The following PRRX1 variants were observed in gnomAD, a reference collection of about 807,000 sequenced individuals.
PRRX1 encodes paired related homeobox 1.
A neutral mutation model predicts 24.0 loss-of-function variants in PRRX1; 8 were observed. That is an observed-to-expected ratio of 0.33 (90% CI 0.20 to 0.60). The LOEUF is 0.60. Among genes scored for constraint, PRRX1 ranks in the 20% least tolerant of loss-of-function variants. PRRX1 has a pLI of 0.82. For missense variants in PRRX1, 281 were observed against 322.4 expected, an observed-to-expected ratio of 0.87 and a Z score of 0.98; for synonymous variants, 160 against 131.7, an observed-to-expected ratio of 1.22 and a Z score of -1.47.
chr1:170,726,924 T>C (rs1655275780), intron 3 of PRRX1: 1 of 153,410 alleles, frequency 6.5e-6, no homozygotes, highest in South Asian at 2.1e-4. Flanking sequence ...AGAGGGACTA[T>C]GACAGAGAGA....
rs1447251127 is a variant in PRRX1 at position 170,739,257 on chromosome 1, T to C, written c.*3071T>C. On this transcript the variant is annotated 3_prime_UTR_variant, in exon 4 of 4. Transcript: ENST00000239461. The stretch of plus-strand genomic sequence containing the variant: ...AATTAAACCAGAAGAGGTGACTTAA[T>C]AAAAAAGGGAATGACATTTAGGGTA... 1 of 193,670 alleles carries C rather than the reference T, an allele frequency of 5.2e-6. No individual in the cohort carries two copies. The highest frequency in any genetic ancestry group is 6.1e-5 in the Admixed American group (1 of 16,394). The allele number at this position is 193,670 out of a possible 1,614,324, so 12.0% of individuals were successfully genotyped here.
chr1:170,732,150 A>C (rs1054668472), intron 3 of PRRX1, among the ~76,000 whole-genome samples: 5 of 152,192 alleles, frequency 3.3e-5, no homozygotes, highest in African/African-American at 1.2e-4. Flanking sequence ...ATTTTACCCG[A>C]GCAAGCTTAA....
In PRRX1 at chr1:170,736,550, ATATATAT is replaced by A. The variant is rs1293343232; in HGVS notation, c.*365_*371del. ...ACTACAGCAGCCAAAGAAACTATATATATATATATATATATATATATCCAGAATGATT... is the reference window on the plus strand; with the variant it reads ...ACTACAGCAGCCAAAGAAACTATATAATATATATATATATCCAGAATGATT... On this transcript the variant is annotated 3_prime_UTR_variant, in exon 4 of 4. Coordinates refer to ENST00000239461, the MANE Select transcript of PRRX1 (RefSeq NM_022716.4). The A allele has an allele frequency of 2.6e-4, 6 of 22,770 alleles. No individual in the cohort carries two copies. Among genetic ancestry groups the A allele is most frequent in the Non-Finnish European group, 6.3e-4 (6 of 9,450 alleles). 1.4% of individuals were successfully genotyped at this position (22,770 alleles called of 1,614,324 possible).
chr1:170,728,856 T>G (rs1006522296), intron 3 of PRRX1: 1 of 152,196 alleles, frequency 6.6e-6, no homozygotes, highest in African/African-American at 2.4e-5. Flanking sequence ...TAGGAAATAT[T>G]GTTAAGGAAA....
At chr1:170,700,660 A>C (rs1376988288) in intron 1 of PRRX1, among the ~76,000 whole-genome samples, 12 of 152,186 alleles carry the variant, frequency 7.9e-5, no homozygotes. Context: ...GTAAAGCATT[A>C]ATGTTTGTCT....
intron 1 of PRRX1, among the ~76,000 whole-genome samples, chr1:170,698,025 CATTT>C (rs1302180865): frequency 6.6e-6 from 1 of 151,860 alleles, no homozygotes; most frequent in African/African-American, 2.4e-5. Flanking sequence ...GTATCATCAT[CATTT>C]GTTAAACACT....
intron 1 of PRRX1, among the ~76,000 whole-genome samples, chr1:170,694,457 A>G (rs1006194715): frequency 6.6e-6 from 1 of 152,136 alleles, no homozygotes; most frequent in Non-Finnish European, 1.5e-5. Context: ...GTCTATGTGT[A>G]TGTGCATGCA....
At chr1:170,720,028 G>A (rs1655030590) in intron 2 of PRRX1, 127 bp downstream of exon 2, 1 of 1,283,626 alleles carries the variant, frequency 7.8e-7, no homozygotes. Flanking sequence ...AGCACGTTGG[G>A]AGGTTGAGGC....
intron 3 of PRRX1, chr1:170,730,181 TC>T (rs1655384316): frequency 2.5e-5 from 26 of 1,044,778 alleles, no homozygotes; most frequent in Non-Finnish European, 3.3e-5. Flanking sequence ...TCCCTCCCCA[TC>T]CTTCTCCTCC....
chr1:170,700,348 C>G (rs956350630), intron 1 of PRRX1, among the ~76,000 whole-genome samples: 2 of 151,940 alleles, frequency 1.3e-5, no homozygotes, highest in East Asian at 1.9e-4. Context: ...GGTGGAGAAC[C>G]TTTAGGATAT....
chr1:170,664,482 C>T (rs1419281086), intron 1 of PRRX1, 23 bp downstream of exon 1: 11 of 1,583,602 alleles, frequency 6.9e-6, no homozygotes, highest in South Asian at 2.3e-5. Context: ...CGCATGCCCA[C>T]GGGGGTGTGT....
At chr1:170,685,677 T>A (rs1331377691) in intron 1 of PRRX1, among the ~76,000 whole-genome samples, 3 of 151,798 alleles carry the variant, frequency 2.0e-5, no homozygotes, top group Admixed American at 6.6e-5. Flanking sequence ...TCTTTTTTTT[T>A]AATCATGGAG....
At chr1:170,684,812 C>T (rs897348700) in intron 1 of PRRX1, among the ~76,000 whole-genome samples, 3 of 152,224 alleles carry the variant, frequency 2.0e-5, no homozygotes, top group East Asian at 3.9e-4. Context: ...TTTGTAGCAC[C>T]ATGAAGAAAG....
At chr1:170,690,692 T>C (rs1388605846) in intron 1 of PRRX1, among the ~76,000 whole-genome samples, 1 of 89,226 alleles carries the variant, frequency 1.1e-5, no homozygotes, top group Non-Finnish European at 2.9e-5. Flanking sequence ...AATTAGACTT[T>C]AAGTATTCAA....
In PRRX1 at chr1:170,691,553, C is replaced by T. The variant is rs139743176; in HGVS notation, c.241+27094C>T. 1.7e-4 allele frequency among the ~76,000 whole-genome samples: 25 copies of T among 149,280 alleles called. No individual in the cohort carries two copies. The East Asian group carries it at 4.4e-3, about 26-fold the overall frequency. ...TCCCTCTCTTCCTTCCTTCCTCCCT[C>T]CCTCCTTGCCTGCCTCTCTTCCCCC... is the stretch of plus-strand genomic sequence containing the variant. On this transcript the variant is annotated intron_variant, in intron 1 of 3. Transcript: ENST00000239461.
chr1:170,729,745 A>G (rs1485963642), intron 3 of PRRX1, among the ~76,000 whole-genome samples: 1 of 152,232 alleles, frequency 6.6e-6, no homozygotes, highest in East Asian at 1.9e-4. Context: ...CACCAGAGGG[A>G]CAAAGCATTC....
chr1:170,684,977 C>T (rs520131), intron 1 of PRRX1, among the ~76,000 whole-genome samples: 58,277 of 151,960 alleles, frequency 0.38, 11,619 homozygotes, highest in Middle Eastern at 0.53. Flanking sequence ...AAGTTTAGTA[C>T]TTGAAAAGAA....
intron 2 of PRRX1, among the ~76,000 whole-genome samples, chr1:170,722,420 G>A (rs1235075714): frequency 6.6e-6 from 1 of 151,642 alleles, no homozygotes; most frequent in African/African-American, 2.4e-5. Context: ...TTATACTCTT[G>A]AACCCGGTTT....
intron 1 of PRRX1, among the ~76,000 whole-genome samples, chr1:170,675,050 A>G (rs1372424094): frequency 2.6e-5 from 4 of 152,228 alleles, no homozygotes; most frequent in Admixed American, 6.5e-5. Context: ...CTGTGTAAGC[A>G]TTTAACCCAC....
Sources: gnomAD v4.1 joint callset for allele counts (sites outside exome capture counted in the v4.1 genomes callset) on GRCh38, gnomAD v4.1.1 for gene constraint, MANE v1.5 for transcripts, NCBI Gene and HGNC (gene_info 2026-07-23, HGNC 2026-07-21) for gene names.